Variants in RAB27A observed in about 807,000 individuals in gnomAD.
The protein encoded by RAB27A is ras-related protein Rab-27A.
Under a neutral mutation model 20.8 loss-of-function variants are expected in RAB27A, and 17 were observed. The observed-to-expected ratio is 0.82, with a 90% confidence interval of 0.56 to 1.23. RAB27A has a LOEUF of 1.23. Among genes scored for constraint, RAB27A ranks in the 50% most tolerant of loss-of-function variants. The pLI, the probability that RAB27A is intolerant of heterozygous loss-of-function variation, is 0.00. For missense variants in RAB27A, 277 were observed against 266.7 expected (o/e 1.04, Z -0.27); for synonymous variants, 85 against 92.8 (o/e 0.92, Z 0.48).
In RAB27A at chr15:55,280,083, A is replaced by G. The variant is rs73413680; in HGVS notation, c.-143+9633T>C. ...GGTCCTAATCTGACACTTTGCAATA[A>G]AAAAAGAAAAACTATGCTGTGTATA... On this transcript the variant is annotated intron_variant, in intron 1 of 6. Coordinates refer to ENST00000336787, the MANE Select transcript of RAB27A (RefSeq NM_183235.3). Among the ~76,000 whole-genome samples, 195 of 152,312 alleles carry G rather than the reference A, an allele frequency of 1.3e-3. 1 individual carries two copies. The highest frequency in any genetic ancestry group is 4.5e-3 in the African/African-American group (189 of 41,556).
intron 2 of RAB27A, among the ~76,000 whole-genome samples, chr15:55,239,697 C>T (rs1896404742): frequency 6.6e-6 from 1 of 152,112 alleles, no homozygotes; most frequent in Admixed American, 6.6e-5. Context: ...TGGGGAAAAC[C>T]TTTAGCAAAT....
intron 6 of RAB27A, among the ~76,000 whole-genome samples, chr15:55,221,427 C>G (rs75784389): frequency 0.047 from 7,151 of 152,210 alleles, 591 homozygotes; most frequent in African/African-American, 0.16. Context: ...GGTAATCGTT[C>G]TCTCCCTGTT....
At chr15:55,265,524 A>C (rs948570064) in intron 2 of RAB27A, among the ~76,000 whole-genome samples, 2 of 152,190 alleles carry the variant, frequency 1.3e-5, no homozygotes, top group Admixed American at 6.5e-5. Context: ...CAGCCAAATA[A>C]GCATTATCCT....
At chr15:55,286,596 T>C (rs1302218070) in intron 1 of RAB27A, among the ~76,000 whole-genome samples, 1 of 151,972 alleles carries the variant, frequency 6.6e-6, no homozygotes, top group African/African-American at 2.4e-5. Flanking sequence ...AGGAAACAAG[T>C]GCAAAGGTCC....
chr15:55,231,791 C>G (rs1298429639), intron 3 of RAB27A, among the ~76,000 whole-genome samples: 1 of 152,154 alleles, frequency 6.6e-6, no homozygotes, highest in African/African-American at 2.4e-5. Context: ...AAAGCTTGCT[C>G]TTTGAGAACA....
intron 2 of RAB27A, among the ~76,000 whole-genome samples, chr15:55,298,839 A>T (rs2054960151): frequency 6.6e-6 from 1 of 152,130 alleles, no homozygotes; most frequent in Admixed American, 6.5e-5. Flanking sequence ...ATTCAGCAAT[A>T]TTTCTCCCAT....
intron 2 of RAB27A, among the ~76,000 whole-genome samples, chr15:55,263,076 T>G (rs1008244724): frequency 6.6e-6 from 1 of 152,220 alleles, no homozygotes; most frequent in African/African-American, 2.4e-5. Context: ...CTTTTATATT[T>G]ATTCCGCCTT....
chr15:55,302,233 G>A (rs1030334623), intron 2 of RAB27A, among the ~76,000 whole-genome samples: 6 of 149,912 alleles, frequency 4.0e-5, no homozygotes, highest in Admixed American at 6.6e-5. Flanking sequence ...AACAACACCC[G>A]CCGCCACGCC....
At chr15:55,272,605 C>A (rs1238493642) in intron 1 of RAB27A, among the ~76,000 whole-genome samples, 3 of 152,198 alleles carry the variant, frequency 2.0e-5, no homozygotes, top group Non-Finnish European at 4.4e-5. Flanking sequence ...GTATTGAAAG[C>A]TTTCTAAAAT....
At chr15:55,232,505 A>G (rs1245605722) in intron 3 of RAB27A, among the ~76,000 whole-genome samples, 2 of 152,230 alleles carry the variant, frequency 1.3e-5, no homozygotes, top group Non-Finnish European at 2.9e-5. Context: ...ATTCCTGAGG[A>G]GGCCCAGATG....
At chr15:55,234,428 G>A (rs1298062768) in intron 3 of RAB27A, among the ~76,000 whole-genome samples, 1 of 152,138 alleles carries the variant, frequency 6.6e-6, no homozygotes, top group Non-Finnish European at 1.5e-5. Flanking sequence ...GATACCAAAG[G>A]TGGAAGACAC....
At chr15:55,279,103 C>G (rs143204250) in intron 1 of RAB27A, among the ~76,000 whole-genome samples, 88 of 152,200 alleles carry the variant, frequency 5.8e-4, no homozygotes, top group Non-Finnish European at 1.0e-3. Flanking sequence ...TACTCAAAGC[C>G]AAAATATGGC....
chr15:55,241,127 A>G (rs913171674), intron 2 of RAB27A, among the ~76,000 whole-genome samples: 4 of 152,204 alleles, frequency 2.6e-5, no homozygotes, highest in African/African-American at 9.7e-5. Context: ...TTTCTTTCCT[A>G]GAAGTATAAG....
chr15:55,224,052 A>G, intron 5 of RAB27A, 40 bp from the exon 6 acceptor site: 1 of 1,446,236 alleles, frequency 6.9e-7, no homozygotes, highest in Non-Finnish European at 9.6e-7. Flanking sequence ...GTAAATAATA[A>G]TGTAAGTGTA....
chr15:55,223,606 G>A (rs1393902354), intron 6 of RAB27A, among the ~76,000 whole-genome samples: 1 of 152,010 alleles, frequency 6.6e-6, no homozygotes. Context: ...TTGGAAAGAA[G>A]GCCTTACATA....
rs139148705 is a variant in RAB27A, at chr15:55,283,110, C to T, written c.-143+6606G>A. Reference sequence around the variant, plus strand: ...AGTTGTCTAATGCAGGGTTTCTTAGCGTCGGCACTGTTGACATTTTAGGCA... The same window carrying T: ...AGTTGTCTAATGCAGGGTTTCTTAGTGTCGGCACTGTTGACATTTTAGGCA... On this transcript the variant is annotated intron_variant, in intron 1 of 6. Transcript: ENST00000336787. Among the ~76,000 whole-genome samples, 747 of 152,196 alleles carry T rather than the reference C, an allele frequency of 4.9e-3. 9 individuals are homozygous for T. Among genetic ancestry groups the T allele is most frequent in the African/African-American group, 0.017 (713 of 41,528 alleles).
chr15:55,208,034 A>T (rs572407241), intron 6 of RAB27A, among the ~76,000 whole-genome samples: 1 of 152,228 alleles, frequency 6.6e-6, no homozygotes, highest in South Asian at 2.1e-4. Context: ...GCAGCCCTAG[A>T]GAAGCTCTCA....
At chr15:55,241,040 C>G (rs751456397) in intron 2 of RAB27A, among the ~76,000 whole-genome samples, 1 of 152,152 alleles carries the variant, frequency 6.6e-6, no homozygotes, top group Non-Finnish European at 1.5e-5. Flanking sequence ...ATAGTAAGTT[C>G]TATGTAAGTA....
chr15:55,311,884 G>A (rs2055022256), intron 2 of RAB27A, among the ~76,000 whole-genome samples: 1 of 152,132 alleles, frequency 6.6e-6, no homozygotes, highest in Admixed American at 6.5e-5. Context: ...AAATGTTACT[G>A]GGGGTCCTTA....
Sources: allele counts gnomAD v4.1 joint callset (sites outside exome capture counted in the v4.1 genomes callset), GRCh38; gene constraint gnomAD v4.1.1; transcripts MANE v1.5; gene names NCBI Gene and HGNC (gene_info 2026-07-23, HGNC 2026-07-21).